Variants in ATP10B observed in about 807,000 individuals in gnomAD.
ATP10B encodes ATPase phospholipid transporting 10B (putative).
A neutral mutation model predicts 141.2 loss-of-function variants in ATP10B; 122 were observed. The ratio of observed to expected loss-of-function variants is 0.86; its 90% CI spans 0.75 to 1.00. The LOEUF (loss-of-function observed/expected upper bound fraction) is 1.00. Ranked by LOEUF, ATP10B falls within the 50% of genes least tolerant of loss-of-function variation. The pLI is 0.00. For synonymous variants in ATP10B, 685 were observed against 692.0 expected, an observed-to-expected ratio of 0.99 and a Z score of 0.16; for missense variants, 1,876 against 1,825.3, an observed-to-expected ratio of 1.03 and a Z score of -0.51.
chr5:160,816,853 C>A lies in ATP10B; in HGVS notation c.-575-31050G>T, dbSNP rs563825749. Among the ~76,000 whole-genome samples, 954 of 152,266 alleles carry A rather than the reference C, an allele frequency of 6.3e-3. 13 individuals are homozygous for A. Among genetic ancestry groups the A allele is most frequent in the Middle Eastern group, 0.02 (6 of 294 alleles). On this transcript the variant is annotated intron_variant, in intron 1 of 25. Transcript: ENST00000327245. ...GGATGCAAGGCTGGTTCAACATATG[C>A]AAATCAATAAATGTAATCCAGCATA...
chr5:160,673,183 C>A (rs1762821549), intron 6 of ATP10B, among the ~76,000 whole-genome samples: 1 of 152,160 alleles, frequency 6.6e-6, no homozygotes, highest in South Asian at 2.1e-4. Flanking sequence ...AGTAATAATT[C>A]CTCCTTACAT....
chr5:160,733,398 A>G (rs1033044767), intron 2 of ATP10B, among the ~76,000 whole-genome samples: 5 of 152,182 alleles, frequency 3.3e-5, no homozygotes, highest in Non-Finnish European at 7.4e-5. Context: ...AAGTAAAGAA[A>G]TAATGACACA....
chr5:160,861,919 C>T, the ATP10B span, among the ~76,000 whole-genome samples: 1 of 151,916 alleles, frequency 6.6e-6, no homozygotes, highest in Non-Finnish European at 1.5e-5. Flanking sequence ...TGATAAGTAA[C>T]TATATTTTCC....
At chr5:160,841,828 G>A (rs959120654) in intron 1 of ATP10B, among the ~76,000 whole-genome samples, 7 of 152,136 alleles carry the variant, frequency 4.6e-5, no homozygotes, top group South Asian at 2.1e-4. Flanking sequence ...GGGCACAAGC[G>A]ATTCTACTGC....
At chr5:160,822,470 A>G (rs562362027) in intron 1 of ATP10B, among the ~76,000 whole-genome samples, 3 of 152,270 alleles carry the variant, frequency 2.0e-5, no homozygotes, top group African/African-American at 7.2e-5. Context: ...CAAAAACCTA[A>G]AAATAGAGCT....
chr5:160,896,095 G>T, the ATP10B span, among the ~76,000 whole-genome samples: 100 of 152,258 alleles, frequency 6.6e-4, 1 homozygote, highest in East Asian at 0.016. Context: ...GAGAAAGCAT[G>T]AAAGATCTAA....
At chr5:160,701,909 A>G (rs151234882) in intron 3 of ATP10B, among the ~76,000 whole-genome samples, 86 of 145,200 alleles carry the variant, frequency 5.9e-4, no homozygotes, top group African/African-American at 2.0e-3. Context: ...TTCTATTCCA[A>G]TGCCTCCCGG....
chr5:160,874,595 G>A, the ATP10B span, among the ~76,000 whole-genome samples: 2 of 152,148 alleles, frequency 1.3e-5, no homozygotes, highest in Non-Finnish European at 2.9e-5. Flanking sequence ...TGAGCTACAG[G>A]AGGACATTCA....
chr5:160,591,177 T>C (rs371335996), intron 22 of ATP10B, 38 bp from the exon 23 acceptor site: 17 of 1,563,840 alleles, frequency 1.1e-5, no homozygotes, highest in Non-Finnish European at 1.4e-5. Flanking sequence ...ATCACCCTTA[T>C]AGCAAGCCTC....
At chr5:160,747,328 A>T (rs1767873460) in intron 2 of ATP10B, among the ~76,000 whole-genome samples, 1 of 152,176 alleles carries the variant, frequency 6.6e-6, no homozygotes, top group Non-Finnish European at 1.5e-5. Flanking sequence ...TGATGTACTG[A>T]ATTAACCAGA....
intron 6 of ATP10B, among the ~76,000 whole-genome samples, chr5:160,674,564 C>T (rs1373900134): frequency 1.3e-5 from 2 of 152,182 alleles, no homozygotes; most frequent in Admixed American, 1.3e-4. Context: ...TTTCTTTAGA[C>T]ATAATCCTCT....
chr5:160,728,241 A>G (rs551545537), intron 2 of ATP10B, among the ~76,000 whole-genome samples: 82 of 152,242 alleles, frequency 5.4e-4, no homozygotes, highest in African/African-American at 1.9e-3. Flanking sequence ...CTCTTTAAGG[A>G]AATGTGTAAA....
At chr5:160,840,346 C>T (rs1430085301) in intron 1 of ATP10B, among the ~76,000 whole-genome samples, 2 of 151,394 alleles carry the variant, frequency 1.3e-5, no homozygotes, top group Admixed American at 6.6e-5. Flanking sequence ...ACTGTAAAGA[C>T]TATAATTAAA....
At chr5:160,896,626 C>G in the ATP10B span, among the ~76,000 whole-genome samples, 1 of 152,126 alleles carries the variant, frequency 6.6e-6, no homozygotes, top group African/African-American at 2.4e-5. Context: ...CAAACAGGAG[C>G]TGGTACCATT....
the ATP10B span, among the ~76,000 whole-genome samples, chr5:160,929,271 T>G: frequency 6.6e-6 from 1 of 152,248 alleles, no homozygotes; most frequent in East Asian, 1.9e-4. Context: ...GGGTTGGCAC[T>G]CCTTGGGTGT....
chr5:160,885,351 C>T, the ATP10B span, among the ~76,000 whole-genome samples: 1 of 152,144 alleles, frequency 6.6e-6, no homozygotes, highest in African/African-American at 2.4e-5. Context: ...GAAGGCTGAA[C>T]CAGCAGAAAA....
chr5:160,606,855 AC>A lies in ATP10B; in HGVS notation c.3069del (p.Ser1024ProfsTer14), dbSNP rs766277324. 17 of 1,614,006 alleles carry A rather than the reference AC, an allele frequency of 1.1e-5. No individual in the cohort carries two copies. The highest frequency in any genetic ancestry group is 1.4e-5 in the Non-Finnish European group (16 of 1,180,008). The stretch of plus-strand genomic sequence containing the variant: ...GGCGTGGAGCGGCAGCACAGGACGG[AC>A]CGACAATACTGGGTCAATTCCAGAA... The part of the protein sequence containing the change: ...KKFLELTQYC[R>X]SVLCCRSTPL... On this transcript the variant is annotated frameshift_variant, in exon 19 of 26. Transcript: ENST00000327245. LOFTEE classifies it high-confidence loss of function.
At chr5:160,921,917 C>A in the ATP10B span, among the ~76,000 whole-genome samples, 1 of 152,234 alleles carries the variant, frequency 6.6e-6, no homozygotes. Context: ...GACCACAAAG[C>A]AGTTCCTCTT....
chr5:160,563,807 C>A lies in ATP10B; in HGVS notation c.*1646G>T, dbSNP rs1269694802. ...TCCAAGTTTTGACTCAATCCCCTCA[C>A]TGGAAACAATTCACATCATCATCAC... is the stretch of plus-strand genomic sequence containing the variant. On this transcript the variant is annotated 3_prime_UTR_variant, in exon 26 of 26. Transcript: ENST00000327245. The A allele has an allele frequency of 6.6e-6, 1 of 152,198 alleles. No homozygotes were observed. Among genetic ancestry groups the A allele is most frequent in the Non-Finnish European group, 1.5e-5 (1 of 68,038 alleles). 9.4% of individuals were successfully genotyped at this position (152,198 alleles called of 1,614,324 possible). A position where few individuals can be genotyped will look rare whatever the true frequency, so the allele number is the denominator to read the frequency against.
Sources: allele counts gnomAD v4.1 joint callset (sites outside exome capture counted in the v4.1 genomes callset), GRCh38; gene constraint gnomAD v4.1.1; transcripts MANE v1.5; gene names NCBI Gene and HGNC (gene_info 2026-07-23, HGNC 2026-07-21).